ARL15: variants seen among roughly 807,000 people sequenced by gnomAD.
ARL15 encodes the protein ARF like GTPase 15.
ARL15 carries 19 observed loss-of-function variants against 25.2 expected under a neutral mutation model. The ratio of observed to expected loss-of-function variants is 0.75; its 90% CI spans 0.53 to 1.10. The LOEUF is 1.10. ARL15 is among the 50% of genes least tolerant of loss of function. ARL15 has a pLI of 0.00. For synonymous variants in ARL15, 94 were observed against 86.8 expected (o/e 1.08, Z -0.46); for missense variants, 220 against 246.0 (o/e 0.89, Z 0.71).
At chr5:54,265,713 G>C (rs184982427) in intron 1 of ARL15, among the ~76,000 whole-genome samples, 27 of 152,250 alleles carry the variant, frequency 1.8e-4, no homozygotes, top group African/African-American at 5.8e-4. Context: ...CAGATTTTCT[G>C]TTTATGTTTA....
Position 54,145,267 on chromosome 5 carries a change from AATG to A in ARL15, c.253+9310_253+9312del, listed in dbSNP as rs576320570. On this transcript the variant is annotated intron_variant, in intron 3 of 4. Transcript: ENST00000504924. The stretch of plus-strand genomic sequence containing the variant: ...AATTCTTCGCATTATTGCTGCTCAC[AATG>A]ATGCCATAAATACCAGGGAATTTCA... 2.6e-5 allele frequency among the ~76,000 whole-genome samples: 4 copies of A among 152,326 alleles called. 1 individual carries two copies. The highest frequency in any genetic ancestry group is 5.9e-5 in the Non-Finnish European group (4 of 68,028).
chr5:53,920,660 A>AATAC lies in ARL15; in HGVS notation c.463-33948_463-33947insGTAT, dbSNP rs376837736. ...TGTCTCTATTAAAAAATAATAAATA[A>AATAC]ATAAATAAATAAATAAATAAATAAA... On this transcript the variant is annotated intron_variant, in intron 4 of 4. Coordinates refer to ENST00000504924, the MANE Select transcript of ARL15 (RefSeq NM_019087.3). Among the ~76,000 whole-genome samples, 126 of 144,046 alleles carry AATAC rather than the reference A, an allele frequency of 8.7e-4. 1 individual carries two copies. Among genetic ancestry groups the AATAC allele is most frequent in the East Asian group, 3.1e-3 (16 of 5,102 alleles). The allele number at this position is 144,046 out of a possible 152,430, so 94.5% of individuals were successfully genotyped here.
intron 3 of ARL15, among the ~76,000 whole-genome samples, chr5:54,144,185 G>A (rs1454203947): frequency 2.0e-5 from 3 of 151,228 alleles, no homozygotes; most frequent in Non-Finnish European, 4.4e-5. Context: ...GAATTGAGAG[G>A]GCTCATTACA....
At chr5:53,910,941 T>G (rs3797291) in intron 4 of ARL15, among the ~76,000 whole-genome samples, 1 of 151,720 alleles carries the variant, frequency 6.6e-6, no homozygotes, top group Non-Finnish European at 1.5e-5. Context: ...TATTTTCATG[T>G]GAGTCACTTT....
chr5:54,248,279 T>C (rs1229240175), intron 1 of ARL15, among the ~76,000 whole-genome samples: 1 of 152,150 alleles, frequency 6.6e-6, no homozygotes, highest in African/African-American at 2.4e-5. Flanking sequence ...AACTATCTCT[T>C]ACCATGACCA....
intron 4 of ARL15, among the ~76,000 whole-genome samples, chr5:53,915,840 T>C (rs1025169733): frequency 3.3e-5 from 5 of 152,210 alleles, no homozygotes; most frequent in Admixed American, 2.6e-4. Flanking sequence ...AGAAACGACT[T>C]GATTTAAGGT....
intron 4 of ARL15, among the ~76,000 whole-genome samples, chr5:53,893,520 A>T (rs2111907173): frequency 6.6e-6 from 1 of 152,274 alleles, no homozygotes; most frequent in East Asian, 1.9e-4. Context: ...AGGCAGGAGA[A>T]TGGCGTGAAC....
chr5:54,219,957 A>G (rs1394142534), intron 1 of ARL15, among the ~76,000 whole-genome samples: 1 of 152,236 alleles, frequency 6.6e-6, no homozygotes, highest in African/African-American at 2.4e-5. Flanking sequence ...AGGAATAAAC[A>G]TATTTCTTTG....
intron 1 of ARL15, among the ~76,000 whole-genome samples, chr5:54,269,171 T>G (rs1250902608): frequency 1.3e-5 from 2 of 151,922 alleles, no homozygotes; most frequent in African/African-American, 4.8e-5. Flanking sequence ...TGTATACATA[T>G]GTAAATAACC....
chr5:54,219,673 A>G (rs1305326963), intron 1 of ARL15, among the ~76,000 whole-genome samples: 1 of 152,218 alleles, frequency 6.6e-6, no homozygotes, highest in African/African-American at 2.4e-5. Context: ...CACAAAAAAG[A>G]GAGACGGAGA....
intron 1 of ARL15, among the ~76,000 whole-genome samples, chr5:54,177,633 GAATA>G (rs1460442530): frequency 2.0e-5 from 3 of 152,122 alleles, no homozygotes; most frequent in African/African-American, 7.2e-5. Flanking sequence ...AGTACTTGAT[GAATA>G]ACCCCTCATG....
chr5:54,037,878 A>C (rs902639077), intron 4 of ARL15, among the ~76,000 whole-genome samples: 1 of 152,128 alleles, frequency 6.6e-6, no homozygotes, highest in African/African-American at 2.4e-5. Flanking sequence ...TGGCAGCAAT[A>C]TAATGATTTT....
intron 4 of ARL15, among the ~76,000 whole-genome samples, chr5:54,050,338 C>T (rs2111984500): frequency 6.6e-6 from 1 of 152,334 alleles, no homozygotes; most frequent in African/African-American, 2.4e-5. Flanking sequence ...CTTGTTGCTG[C>T]TGAGCCAATC....
In ARL15 at chr5:54,056,429, C is replaced by T. The variant is rs12514811; in HGVS notation, c.462+56773G>A. On this transcript the variant is annotated intron_variant, in intron 4 of 4. Transcript: ENST00000504924. The stretch of plus-strand genomic sequence containing the variant: ...AGCGGATCACCTGAGGTCAGGAGTT[C>T]GAAACAGCCTGGCCAACACGGTGAA... 2.0e-5 allele frequency among the ~76,000 whole-genome samples: 3 copies of T among 151,620 alleles called. No homozygotes were observed. In the East Asian group the frequency reaches 5.8e-4, roughly 29 times the overall value.
At position 54,310,439 on chromosome 5, in the gene ARL15, T is replaced by C. The variant is rs777832913; in HGVS notation, c.41A>G (p.Asp14Gly). 10 of 1,609,512 alleles carry C rather than the reference T, an allele frequency of 6.2e-6. No homozygotes were observed. In the South Asian group the frequency reaches 1.0e-4, roughly 16 times the overall value. Residue 14 changes from aspartate to glycine, a missense_variant, in exon 1 of 5, where the codon GAT becomes GGT. Physicochemically the swap from Asp to Gly is moderately conservative, Grantham distance 94. Coordinates refer to ENST00000504924, the MANE Select transcript of ARL15 (RefSeq NM_019087.3). ...CCCCTGCCCTGCACCTACCAGATAA[T>C]CCATGTACAGAAACGCCTCAGTTAT... ...LRITEAFLYM[D>G]YLCFRALCCK...
chr5:53,884,709 T>A lies in ARL15; in HGVS notation c.*1852A>T, dbSNP rs1250798292. On this transcript the variant is annotated 3_prime_UTR_variant, in exon 5 of 5. Transcript: ENST00000504924. ...AGACCACGGGAAGTCATTTAACAGATGGCTTAGGAGCACTCAGCCACGGTG... is the reference window on the plus strand; with the variant it reads ...AGACCACGGGAAGTCATTTAACAGAAGGCTTAGGAGCACTCAGCCACGGTG... The A allele has an allele frequency of 2.0e-5, 3 of 152,256 alleles. No homozygotes were observed. The highest frequency in any genetic ancestry group is 7.3e-5 in the African/African-American group (3 of 41,362). The allele number at this position is 152,256 out of a possible 1,614,324, so 9.4% of individuals were successfully genotyped here. A position where few individuals can be genotyped will look rare whatever the true frequency, so the allele number is the denominator to read the frequency against.
intron 3 of ARL15, among the ~76,000 whole-genome samples, chr5:54,121,915 C>G (rs754066209): frequency 5.3e-5 from 8 of 152,184 alleles, no homozygotes; most frequent in Non-Finnish European, 1.2e-4. Context: ...CAAGTGTTAA[C>G]TGTCATTTTG....
At chr5:54,161,159 G>A (rs1245069906) in intron 2 of ARL15, among the ~76,000 whole-genome samples, 1 of 152,028 alleles carries the variant, frequency 6.6e-6, no homozygotes, top group Non-Finnish European at 1.5e-5. Flanking sequence ...TTACCATAAT[G>A]TAATTAACAA....
chr5:54,039,650 A>C lies in ARL15; in HGVS notation c.462+73552T>G, dbSNP rs561570882. Reference sequence around the variant, plus strand: ...ACCCCTTCTCTACTAAAAAACTACAAAAATTAGATGGGCTTGGTGGCAGAT... The same window carrying C: ...ACCCCTTCTCTACTAAAAAACTACACAAATTAGATGGGCTTGGTGGCAGAT... On this transcript the variant is annotated intron_variant, in intron 4 of 4. Coordinates refer to ENST00000504924, the MANE Select transcript of ARL15 (RefSeq NM_019087.3). Among the ~76,000 whole-genome samples, 6 of 152,012 alleles carry C rather than the reference A, an allele frequency of 3.9e-5. No individual in the cohort carries two copies. The South Asian group carries it at 6.2e-4, about 16-fold the overall frequency.
Sources: gnomAD v4.1 joint callset for allele counts (sites outside exome capture counted in the v4.1 genomes callset) on GRCh38, gnomAD v4.1.1 for gene constraint, MANE v1.5 for transcripts, NCBI Gene and HGNC (gene_info 2026-07-23, HGNC 2026-07-21) for gene names.